Variants in EEPD1 observed in about 807,000 individuals in gnomAD.
EEPD1 encodes endonuclease/exonuclease/phosphatase family domain-containing protein 1.
EEPD1 carries 17 observed loss-of-function variants against 46.3 expected under a neutral mutation model. That is an observed-to-expected ratio of 0.37 (90% CI 0.25 to 0.55). The LOEUF (loss-of-function observed/expected upper bound fraction) is 0.55, where lower values mean the gene tolerates loss of function less well. EEPD1 is among the 20% of genes least tolerant of loss of function. EEPD1 has a pLI of 0.83. For missense variants in EEPD1, 673 were observed against 745.6 expected (o/e 0.90, Z 1.13); for synonymous variants, 313 against 315.6 (o/e 0.99, Z 0.09).
intron 2 of EEPD1, among the ~76,000 whole-genome samples, chr7:36,177,501 A>G (rs778514656): frequency 8.5e-5 from 13 of 152,150 alleles, no homozygotes; most frequent in Non-Finnish European, 1.9e-4. Flanking sequence ...TCCCACTTAT[A>G]AGTGAAAACA....
intron 2 of EEPD1, among the ~76,000 whole-genome samples, chr7:36,187,956 C>A (rs527518618): frequency 6.6e-6 from 1 of 152,274 alleles, no homozygotes; most frequent in Admixed American, 6.5e-5. Context: ...TGCCACCACG[C>A]CCGGCTAATT....
intron 2 of EEPD1, among the ~76,000 whole-genome samples, chr7:36,200,128 C>T (rs910800026): frequency 6.6e-6 from 1 of 152,010 alleles, no homozygotes; most frequent in East Asian, 1.9e-4. Context: ...CTTCTCCCTC[C>T]TCCCACTCTC....
chr7:36,177,574 A>G (rs1332300058), intron 2 of EEPD1, among the ~76,000 whole-genome samples: 2 of 152,132 alleles, frequency 1.3e-5, no homozygotes, highest in Non-Finnish European at 2.9e-5. Context: ...AGCTGCATTC[A>G]TGTTGCTGCA....
intron 2 of EEPD1, among the ~76,000 whole-genome samples, chr7:36,188,762 A>T (rs1785410484): frequency 6.6e-6 from 1 of 152,164 alleles, no homozygotes; most frequent in African/African-American, 2.4e-5. Context: ...GCATTAAAAA[A>T]AAATTGAGCT....
chr7:36,176,539 A>C (rs1276552099), intron 2 of EEPD1, among the ~76,000 whole-genome samples: 1 of 152,222 alleles, frequency 6.6e-6, no homozygotes, highest in East Asian at 1.9e-4. Flanking sequence ...ATGCAGGTAA[A>C]GTATTCTCAG....
intron 2 of EEPD1, among the ~76,000 whole-genome samples, chr7:36,208,183 GCTGGTTC>G (rs1785855969): frequency 6.6e-6 from 1 of 152,208 alleles, no homozygotes; most frequent in South Asian, 2.1e-4. Flanking sequence ...TGGCAGGGAT[GCTGGTTC>G]CTGTGTGACT....
intron 2 of EEPD1, among the ~76,000 whole-genome samples, chr7:36,195,108 G>C (rs1044449435): frequency 6.6e-6 from 1 of 152,238 alleles, no homozygotes; most frequent in Non-Finnish European, 1.5e-5. Context: ...TAAGGTCCCA[G>C]ACAACAGGAG....
chr7:36,156,476 A>G (rs1784826955), intron 2 of EEPD1, among the ~76,000 whole-genome samples: 2 of 152,168 alleles, frequency 1.3e-5, no homozygotes, highest in South Asian at 4.1e-4. Flanking sequence ...GCACCGGGAG[A>G]TATTTATAAA....
At chr7:36,238,859 A>T in intron 2 of EEPD1, 126 bp from the exon 3 acceptor site, 1 of 812,684 alleles carries the variant, frequency 1.2e-6, no homozygotes, top group Non-Finnish European at 1.9e-6. Context: ...AGGTCACCTT[A>T]AGATGGCAGG....
Position 36,154,842 on chromosome 7 carries a change from G to A in EEPD1, c.518G>A (p.Ser173Asn), listed in dbSNP as rs1784798690. 1.9e-6 allele frequency: 3 copies of A among 1,614,218 alleles called. No homozygotes were observed. Among genetic ancestry groups the A allele is most frequent in the African/African-American group, 2.7e-5 (2 of 75,048 alleles). The change falls in exon 2 of 8, where the codon AGC becomes AAC. Residue 173 changes from serine (S) to asparagine (N), a missense_variant. Physicochemically the swap from Ser to Asn is conservative, Grantham distance 46. Transcript: ENST00000242108. This position sits in a 1 kb window ranked among gnomAD's most constrained non-coding sequence, Gnocchi z 4.2. ...CGCCGTGAGCATGGGCCCTTTCGCA[G>A]CGTTGAGGACCTAGTGAGGATGGAT... ...DFRREHGPFR[S>N]VEDLVRMDGI...
chr7:36,287,801 A>G (rs196595), intron 6 of EEPD1, 24 bp downstream of exon 6: 584,049 of 1,608,962 alleles, frequency 0.36, 113,689 homozygotes, highest in East Asian at 0.77. Flanking sequence ...TTTTGCTGTG[A>G]CTCGGCCACT....
At chr7:36,153,991 C>A in intron 1 of EEPD1, 142 bp from the exon 2 acceptor site, 1 of 368,732 alleles carries the variant, frequency 2.7e-6, no homozygotes, top group Non-Finnish European at 5.0e-6. Flanking sequence ...ATGGGCCTAG[C>A]CTCATTGTGC....
intron 2 of EEPD1, among the ~76,000 whole-genome samples, chr7:36,237,507 C>T (rs1025900390): frequency 3.3e-5 from 5 of 152,174 alleles, no homozygotes; most frequent in African/African-American, 1.2e-4. Context: ...TTCTCCTTTT[C>T]CCCCAGTCCC....
intron 3 of EEPD1, among the ~76,000 whole-genome samples, chr7:36,260,874 T>G (rs1786909951): frequency 6.6e-6 from 1 of 152,240 alleles, no homozygotes; most frequent in African/African-American, 2.4e-5. Flanking sequence ...TTGTACAGAC[T>G]TTTTTCTTGT....
Position 36,213,661 on chromosome 7 carries a change from A to G in EEPD1, c.879-25324A>G, listed in dbSNP as rs529523340. The stretch of plus-strand genomic sequence containing the variant: ...CGTCAGGCCAGCTCTAACTCCAGAC[A>G]CTGCTTCAGTGTGACTCCACTCACA... On this transcript the variant is annotated intron_variant, in intron 2 of 7. Transcript: ENST00000242108. 1.9e-4 allele frequency among the ~76,000 whole-genome samples: 29 copies of G among 152,240 alleles called. 1 individual carries two copies. In the South Asian group the frequency reaches 5.4e-3, roughly 28 times the overall value.
At chr7:36,277,792 A>T (rs989283875) in intron 3 of EEPD1, among the ~76,000 whole-genome samples, 1 of 152,132 alleles carries the variant, frequency 6.6e-6, no homozygotes, top group Non-Finnish European at 1.5e-5. Context: ...ATCCCTAATA[A>T]CGTAAATACT....
At chr7:36,217,437 G>C (rs752367652) in intron 2 of EEPD1, among the ~76,000 whole-genome samples, 3 of 152,204 alleles carry the variant, frequency 2.0e-5, no homozygotes, top group Admixed American at 6.5e-5. Flanking sequence ...TCACCATCTT[G>C]GTTTTGGTAG....
chr7:36,275,603 C>A (rs528334451), intron 3 of EEPD1, among the ~76,000 whole-genome samples: 48 of 152,030 alleles, frequency 3.2e-4, no homozygotes, highest in Non-Finnish European at 5.6e-4. Context: ...CGCGCCACCA[C>A]GCCTGGTGTG....
At chr7:36,232,060 G>C (rs113470457) in intron 2 of EEPD1, among the ~76,000 whole-genome samples, 22 of 152,154 alleles carry the variant, frequency 1.4e-4, no homozygotes, top group African/African-American at 5.1e-4. Flanking sequence ...TCTAGCAGTA[G>C]CTTCTTAATA....
Sources: allele counts gnomAD v4.1 joint callset (sites outside exome capture counted in the v4.1 genomes callset), GRCh38; gene constraint gnomAD v4.1.1; non-coding constraint Gnocchi (gnomAD v3.1); transcripts MANE v1.5; gene names NCBI Gene and HGNC (gene_info 2026-07-23, HGNC 2026-07-21).